Variants in KIZ observed in about 807,000 individuals in gnomAD.
KIZ encodes the protein kizuna centrosomal protein.
In KIZ, 68 loss-of-function variants were observed where a neutral mutation model predicts 79.6. That is an observed-to-expected ratio of 0.85 (90% CI 0.70 to 1.05). The LOEUF (loss-of-function observed/expected upper bound fraction) is 1.05, where lower values mean the gene tolerates loss of function less well. Among genes scored for constraint, KIZ ranks in the 50% least tolerant of loss-of-function variants. KIZ has a pLI of 0.00. For synonymous variants in KIZ, 280 were observed against 281.8 expected, an observed-to-expected ratio of 0.99 and a Z score of 0.06; for missense variants, 797 against 800.4, an observed-to-expected ratio of 1.00 and a Z score of 0.05.
At chr20:21,243,585 CT>C in intron 11 of KIZ, among the ~76,000 whole-genome samples, 1 of 152,280 alleles carries the variant, frequency 6.6e-6, no homozygotes, top group African/African-American at 2.4e-5. Flanking sequence ...CCTGAGGAGA[CT>C]TTTAAATTCA....
intron 6 of KIZ, among the ~76,000 whole-genome samples, chr20:21,184,208 T>C (rs1304653363): frequency 6.6e-6 from 1 of 150,848 alleles, no homozygotes; most frequent in Non-Finnish European, 1.5e-5. Context: ...AGTGCAATGG[T>C]GCGATCTCAG....
chr20:21,139,760 A>G (rs555948956), intron 3 of KIZ, among the ~76,000 whole-genome samples: 2 of 152,292 alleles, frequency 1.3e-5, no homozygotes, highest in South Asian at 4.1e-4. Flanking sequence ...GCTTAAGACT[A>G]TCAACATGGG....
intron 6 of KIZ, among the ~76,000 whole-genome samples, chr20:21,182,385 A>G (rs1316434091): frequency 6.6e-6 from 1 of 152,176 alleles, no homozygotes; most frequent in Non-Finnish European, 1.5e-5. Context: ...GAAAGTATTC[A>G]ATAGACTTCC....
chr20:21,127,135 T>C (rs1057464488), intron 1 of KIZ, among the ~76,000 whole-genome samples: 3 of 152,246 alleles, frequency 2.0e-5, no homozygotes, highest in African/African-American at 7.2e-5. Flanking sequence ...ACATTTATCT[T>C]ACGCTAGATT....
intron 6 of KIZ, among the ~76,000 whole-genome samples, chr20:21,172,466 G>A (rs1371314851): frequency 6.6e-6 from 1 of 152,106 alleles, no homozygotes; most frequent in Non-Finnish European, 1.5e-5. Flanking sequence ...TTAGCCAGGT[G>A]TGGTGGCGCA....
chr20:21,163,207 A>T (rs1431124728), intron 6 of KIZ, 48 bp downstream of exon 6: 1 of 1,282,782 alleles, frequency 7.8e-7, no homozygotes, highest in Non-Finnish European at 1.1e-6. Context: ...TTAATTGTAG[A>T]CATTTCTAGA....
At position 21,205,514 on chromosome 20, in the gene KIZ, A is replaced by AC; in HGVS notation, c.1377dup (p.Val460ArgfsTer17). 6.5e-7 allele frequency: 1 copy of AC among 1,543,902 alleles called. No homozygotes were observed. Among genetic ancestry groups the AC allele is most frequent in the Non-Finnish European group, 8.9e-7 (1 of 1,126,560 alleles). On this transcript the variant is annotated frameshift_variant, in exon 7 of 13. Coordinates refer to ENST00000619189, the MANE Select transcript of KIZ (RefSeq NM_018474.6). LOFTEE classifies it high-confidence loss of function. Reference sequence around the variant, plus strand: ...AGACCTGGACAAACACCAGACTCAGACGTACCGAGGGCACAGGTGGGTCAG... The same window carrying AC: ...AGACCTGGACAAACACCAGACTCAGACCGTACCGAGGGCACAGGTGGGTCAG...
intron 1 of KIZ, among the ~76,000 whole-genome samples, chr20:21,128,220 C>A (rs1183917862): frequency 6.6e-6 from 1 of 152,158 alleles, no homozygotes; most frequent in Non-Finnish European, 1.5e-5. Flanking sequence ...ACCATGTTGG[C>A]CAGGCTGATC....
At chr20:21,200,931 G>A (rs2035572293) in intron 6 of KIZ, among the ~76,000 whole-genome samples, 1 of 152,182 alleles carries the variant, frequency 6.6e-6, no homozygotes, top group South Asian at 2.1e-4. Context: ...TGTAATACCA[G>A]CACTTTGGGA....
rs2033694773 is a variant in KIZ, at chr20:21,162,123, A to G, written c.658A>G (p.Lys220Glu). ...TAGTAATGACACACAGTGCTTAAAT[A>G]AGTCTGACAACATAGATGGAAAGGC... ...QTSNDTQCLN[K>E]SDNIDGKASL... is the part of the protein sequence containing the mutation. The change falls in exon 5 of 13, where the codon AAG (lysine) becomes GAG (glutamate). Residue 220 changes from lysine (K) to glutamate (E), a missense_variant. Coordinates refer to ENST00000619189, the MANE Select transcript of KIZ (RefSeq NM_018474.6). 1 of 1,612,406 alleles carries G rather than the reference A, an allele frequency of 6.2e-7. No individual in the cohort carries two copies.
intron 2 of KIZ, among the ~76,000 whole-genome samples, chr20:21,135,823 A>G (rs1025698077): frequency 6.6e-6 from 1 of 152,188 alleles, no homozygotes; most frequent in African/African-American, 2.4e-5. Context: ...TTTTTTTCAC[A>G]GTTGGAGTAA....
chr20:21,179,315 A>T (rs2034557643), intron 6 of KIZ, among the ~76,000 whole-genome samples: 1 of 146,088 alleles, frequency 6.8e-6, no homozygotes, highest in South Asian at 2.1e-4. Context: ...TGGTATGTGT[A>T]TGTTTTTAGG....
chr20:21,207,913 G>A (rs764622444), intron 7 of KIZ, among the ~76,000 whole-genome samples: 6 of 152,012 alleles, frequency 3.9e-5, no homozygotes, highest in East Asian at 3.9e-4. Context: ...GGGTTTCACC[G>A]TGTTGGCCAG....
At chr20:21,143,974 A>G (rs1250185778) in intron 3 of KIZ, 1 of 152,254 alleles carries the variant, frequency 6.6e-6, no homozygotes. Context: ...CTCTGACTTC[A>G]TTGTGCGATT....
intron 2 of KIZ, chr20:21,133,190 T>A (rs1279005414): frequency 6.6e-6 from 1 of 152,242 alleles, no homozygotes; most frequent in African/African-American, 2.4e-5. Flanking sequence ...TAAAGTCAAA[T>A]TACCTATTAG....
intron 6 of KIZ, among the ~76,000 whole-genome samples, chr20:21,186,425 G>A (rs946807247): frequency 6.6e-6 from 1 of 151,534 alleles, no homozygotes; most frequent in East Asian, 1.9e-4. Flanking sequence ...CTTCCGTTTC[G>A]AAAAGTCCAC....
chr20:21,178,779 G>A (rs940810551), intron 6 of KIZ, among the ~76,000 whole-genome samples: 7 of 152,102 alleles, frequency 4.6e-5, no homozygotes, highest in Non-Finnish European at 1.0e-4. Flanking sequence ...TTTTTATTGG[G>A]AAGGGGTGTT....
At chr20:21,230,214 C>T (rs1386951451) in intron 10 of KIZ, among the ~76,000 whole-genome samples, 1 of 152,180 alleles carries the variant, frequency 6.6e-6, no homozygotes, top group Admixed American at 6.5e-5. Flanking sequence ...GTGGCTCATG[C>T]CTGTAATCCC....
intron 2 of KIZ, 140 bp from the exon 3 acceptor site, chr20:21,136,250 T>G: frequency 1.7e-6 from 1 of 571,624 alleles, no homozygotes; most frequent in Non-Finnish European, 3.1e-6. Context: ...TGTATATACA[T>G]TTTGTTGTTT....
Sources: allele counts gnomAD v4.1 joint callset (sites outside exome capture counted in the v4.1 genomes callset), GRCh38; gene constraint gnomAD v4.1.1; transcripts MANE v1.5; gene names NCBI Gene and HGNC (gene_info 2026-07-23, HGNC 2026-07-21).